Variants in SIPA1L3 observed in about 807,000 individuals in gnomAD.
The protein encoded by SIPA1L3 is signal induced proliferation associated 1 like 3.
SIPA1L3 carries 59 observed loss-of-function variants against 150.1 expected under a neutral mutation model. That is an observed-to-expected ratio of 0.39 (90% CI 0.32 to 0.49). The LOEUF (loss-of-function observed/expected upper bound fraction) is 0.49, where lower values mean the gene tolerates loss of function less well. SIPA1L3 is among the 20% of genes least tolerant of loss of function. The pLI, the probability that SIPA1L3 is intolerant of heterozygous loss-of-function variation, is 0.86. For missense variants in SIPA1L3, 2,211 were observed against 2,489.5 expected, an observed-to-expected ratio of 0.89 and a Z score of 2.38; for synonymous variants, 1,070 against 1,077.6, an observed-to-expected ratio of 0.99 and a Z score of 0.14.
chr19:37,919,957 A>G (rs1233559461), intron 1 of SIPA1L3, among the ~76,000 whole-genome samples: 11 of 150,102 alleles, frequency 7.3e-5, no homozygotes. Context: ...TGATCTGCCC[A>G]CCTTGGCCTC....
At chr19:38,204,272 G>A (rs1489996368) in intron 21 of SIPA1L3, 64 bp downstream of exon 21, 2 of 1,411,452 alleles carry the variant, frequency 1.4e-6, no homozygotes, top group Admixed American at 2.0e-5. Context: ...CAGTCAGCAG[G>A]GATCAGGCAC....
At chr19:38,141,721 G>T (rs540754467) in intron 11 of SIPA1L3, among the ~76,000 whole-genome samples, 1 of 152,204 alleles carries the variant, frequency 6.6e-6, no homozygotes, top group South Asian at 2.1e-4. Context: ...GGTGGCTCAC[G>T]CCTGTAATCC....
At chr19:38,091,510 A>G (rs1370982926) in intron 4 of SIPA1L3, among the ~76,000 whole-genome samples, 5 of 152,236 alleles carry the variant, frequency 3.3e-5, no homozygotes, top group African/African-American at 1.2e-4. Context: ...TAACTCACTT[A>G]AATCTCATCA....
chr19:38,025,504 G>A (rs1968489099), intron 1 of SIPA1L3, among the ~76,000 whole-genome samples: 1 of 152,178 alleles, frequency 6.6e-6, no homozygotes, highest in Non-Finnish European at 1.5e-5. Context: ...ACTGCAGGGC[G>A]ACGGGCATCC....
chr19:38,200,555 A>G (rs1302022707), intron 19 of SIPA1L3: 1 of 152,140 alleles, frequency 6.6e-6, no homozygotes, highest in Admixed American at 6.5e-5. Context: ...GTCATTATAC[A>G]TTAAATTCAA....
intron 2 of SIPA1L3, among the ~76,000 whole-genome samples, chr19:38,030,586 G>C (rs945586477): frequency 3.1e-5 from 4 of 129,652 alleles, no homozygotes; most frequent in African/African-American, 1.3e-4. Context: ...CATGGGTAAT[G>C]GGTATTTACA....
Position 38,182,638 on chromosome 19 carries a change from A to G in SIPA1L3, c.4328A>G (p.Lys1443Arg), listed in dbSNP as rs751845613. 6.2e-6 allele frequency: 10 copies of G among 1,613,972 alleles called. No individual in the cohort carries two copies. In the East Asian group the frequency reaches 1.1e-4, roughly 18 times the overall value. The change falls in exon 16 of 22, where the codon AAG becomes AGG. Residue 1443 changes from lysine to arginine, a missense_variant. By Grantham distance (26) the Lys-to-Arg change is conservative (BLOSUM62 2). Around this residue, in one of 5 missense-constraint regions of SIPA1L3, gnomAD observed 806 missense variants for 870.1 expected, o/e 0.93. Transcript: ENST00000222345. ...SPFQLSASVP[K>R]SFFSKQPVRN... ...TTTCAGCTCTCCGCCTCCGTCCCCA[A>G]GTCCTTCTTCTCCAAGCAGCCTGTA... is the stretch of plus-strand genomic sequence containing the variant.
chr19:38,019,999 G>A (rs1009666767), intron 1 of SIPA1L3, among the ~76,000 whole-genome samples: 6 of 152,098 alleles, frequency 3.9e-5, no homozygotes, highest in Admixed American at 2.0e-4. Flanking sequence ...AGGCTGAGAC[G>A]AGAGGATCAA....
chr19:38,110,413 G>T (rs1254328974), intron 8 of SIPA1L3, 29 bp downstream of exon 8: 1 of 1,594,818 alleles, frequency 6.3e-7, no homozygotes, highest in South Asian at 1.1e-5. Context: ...GCCCCCAGCA[G>T]CGTATGGAGA....
intron 1 of SIPA1L3, among the ~76,000 whole-genome samples, chr19:37,954,946 G>A (rs2046796287): frequency 6.6e-6 from 1 of 151,952 alleles, no homozygotes; most frequent in Non-Finnish European, 1.5e-5. Flanking sequence ...AATTAGCCAG[G>A]CATTGTGGTG....
chr19:38,092,852 A>ATTT lies in SIPA1L3; in HGVS notation c.1665+4021_1665+4023dup, dbSNP rs56232582. ...AATGATGAGTGTGGCAGGTGCTTAG[A>ATTT]TTTTTTTTTTTTTTTTTTTTTTCCC... On this transcript the variant is annotated intron_variant, in intron 4 of 21. Transcript: ENST00000222345. Among the ~76,000 whole-genome samples, 14 of 115,912 alleles carry ATTT rather than the reference A, an allele frequency of 1.2e-4. 1 individual carries two copies. The highest frequency in any genetic ancestry group is 2.0e-4 in the Admixed American group (2 of 10,220). The allele number at this position is 115,912 out of a possible 152,430, so 76.0% of individuals were successfully genotyped here. A position where few individuals can be genotyped will look rare whatever the true frequency, so the allele number is the denominator to read the frequency against.
intron 16 of SIPA1L3, among the ~76,000 whole-genome samples, chr19:38,189,134 A>C (rs1186332768): frequency 2.7e-5 from 4 of 149,830 alleles, no homozygotes; most frequent in Middle Eastern, 3.5e-3. Flanking sequence ...CTTGCTCTTC[A>C]AGTCTTTTTT....
intron 10 of SIPA1L3, among the ~76,000 whole-genome samples, chr19:38,138,583 C>G (rs1971489011): frequency 1.3e-5 from 2 of 152,136 alleles, no homozygotes. Flanking sequence ...TCTTGCCTCC[C>G]CCTCCCACAG....
chr19:38,059,025 CAAAAAAAA>C (rs74176410), intron 2 of SIPA1L3, among the ~76,000 whole-genome samples: 5 of 90,848 alleles, frequency 5.5e-5, no homozygotes, highest in African/African-American at 2.0e-4. Context: ...AACTCTGTCT[CAAAAAAAA>C]AAAAAAAAAA....
At chr19:38,000,936 T>G (rs1031075815) in intron 1 of SIPA1L3, among the ~76,000 whole-genome samples, 1 of 129,996 alleles carries the variant, frequency 7.7e-6, no homozygotes, top group Non-Finnish European at 1.6e-5. Context: ...ATATATAACA[T>G]ATATAACATA....
intron 1 of SIPA1L3, among the ~76,000 whole-genome samples, chr19:37,908,924 A>T (rs1354915041): frequency 6.6e-6 from 1 of 152,088 alleles, no homozygotes; most frequent in Non-Finnish European, 1.5e-5. Flanking sequence ...CCAGCTCCAG[A>T]TGTGGAGCCT....
chr19:37,928,098 G>C (rs1258198697), intron 1 of SIPA1L3, among the ~76,000 whole-genome samples: 1 of 152,078 alleles, frequency 6.6e-6, no homozygotes, highest in Admixed American at 6.6e-5. Context: ...TTGCTGGGTC[G>C]AACGGTAATT....
chr19:38,001,029 A>G (rs928543506), intron 1 of SIPA1L3, among the ~76,000 whole-genome samples: 1 of 149,866 alleles, frequency 6.7e-6, no homozygotes, highest in African/African-American at 2.4e-5. Context: ...TATCACACAC[A>G]TATATCACAC....
intron 1 of SIPA1L3, among the ~76,000 whole-genome samples, chr19:38,011,259 G>T (rs1198613924): frequency 6.6e-6 from 1 of 152,138 alleles, no homozygotes; most frequent in East Asian, 1.9e-4. Context: ...AGGATCGCTT[G>T]AGCCCAGGAG....
Sources: gnomAD v4.1 joint callset for allele counts (sites outside exome capture counted in the v4.1 genomes callset) on GRCh38, gnomAD v4.1.1 for gene constraint, gnomAD v4.1.1 regional missense constraint, MANE v1.5 for transcripts, NCBI Gene and HGNC (gene_info 2026-07-23, HGNC 2026-07-21) for gene names.